Variants in GMDS observed in about 807,000 individuals in gnomAD.
GMDS encodes the protein GDP-mannose 4,6 dehydratase.
Under a neutral mutation model 49.9 loss-of-function variants are expected in GMDS, and 20 were observed. The ratio of observed to expected loss-of-function variants is 0.40; its 90% confidence interval spans 0.28 to 0.58. The LOEUF is 0.58. Ranked by LOEUF, GMDS falls within the 20% of genes least tolerant of loss-of-function variation. GMDS has a pLI of 0.42. For synonymous variants in GMDS, 177 were observed against 178.6 expected (o/e 0.99, Z 0.07); for missense variants, 362 against 481.4 (o/e 0.75, Z 2.32).
chr6:2,175,127 T>C (rs914939550), intron 1 of GMDS, among the ~76,000 whole-genome samples: 4 of 152,164 alleles, frequency 2.6e-5, no homozygotes, highest in African/African-American at 9.7e-5. Flanking sequence ...AGAAGTCTTA[T>C]GGTTGGATGA....
intron 8 of GMDS, among the ~76,000 whole-genome samples, chr6:1,733,900 G>A (rs954278211): frequency 1.3e-5 from 2 of 151,762 alleles, no homozygotes; most frequent in African/African-American, 4.8e-5. Context: ...CTGAGCGGCA[G>A]CCTGAGCCTC....
intron 1 of GMDS, among the ~76,000 whole-genome samples, chr6:2,146,952 G>T (rs1215016220): frequency 6.6e-6 from 1 of 152,228 alleles, no homozygotes; most frequent in Non-Finnish European, 1.5e-5. Flanking sequence ...GAAGAGGAAA[G>T]TGATATTATT....
chr6:2,134,793 A>C (rs1366239661), intron 1 of GMDS, among the ~76,000 whole-genome samples: 1 of 152,220 alleles, frequency 6.6e-6, no homozygotes, highest in East Asian at 1.9e-4. Flanking sequence ...TCAACTTTCT[A>C]TAGACATAGT....
chr6:2,147,142 T>C (rs1776595861), intron 1 of GMDS, among the ~76,000 whole-genome samples: 1 of 152,192 alleles, frequency 6.6e-6, no homozygotes, highest in Non-Finnish European at 1.5e-5. Context: ...TCTTTTACTA[T>C]TGTAGAGTCA....
At chr6:1,829,400 T>C (rs183336624) in intron 7 of GMDS, among the ~76,000 whole-genome samples, 33 of 152,242 alleles carry the variant, frequency 2.2e-4, no homozygotes, top group East Asian at 1.5e-3. Context: ...CCCTAAGAGG[T>C]TGTTTATCCA....
chr6:1,810,436 C>T (rs1037543097), intron 7 of GMDS, among the ~76,000 whole-genome samples: 30 of 152,254 alleles, frequency 2.0e-4, no homozygotes, highest in African/African-American at 6.3e-4. Flanking sequence ...GTGTGTGCCA[C>T]CACACCTGGC....
At chr6:1,870,232 G>A (rs965131611) in intron 7 of GMDS, among the ~76,000 whole-genome samples, 2 of 152,098 alleles carry the variant, frequency 1.3e-5, no homozygotes, top group East Asian at 1.9e-4. Context: ...TGATCAATAC[G>A]GCAGGTTTGT....
chr6:2,184,552 A>G (rs1379179559), intron 1 of GMDS, among the ~76,000 whole-genome samples: 1 of 152,158 alleles, frequency 6.6e-6, no homozygotes, highest in African/African-American at 2.4e-5. Flanking sequence ...TTTCAGTTCA[A>G]ATCTCAGCTC....
intron 4 of GMDS, among the ~76,000 whole-genome samples, chr6:2,019,710 A>C (rs1768147608): frequency 6.6e-6 from 1 of 152,154 alleles, no homozygotes; most frequent in East Asian, 1.9e-4. Flanking sequence ...TCGGCCTCCC[A>C]AAGTCCTGAG....
chr6:2,060,649 G>A (rs1771092414), intron 4 of GMDS, among the ~76,000 whole-genome samples: 1 of 152,200 alleles, frequency 6.6e-6, no homozygotes, highest in African/African-American at 2.4e-5. Context: ...ATGCTATGGA[G>A]AAATGTAAAA....
At chr6:1,680,968 C>G (rs773162329) in intron 9 of GMDS, among the ~76,000 whole-genome samples, 1 of 152,070 alleles carries the variant, frequency 6.6e-6, no homozygotes, top group Non-Finnish European at 1.5e-5. Flanking sequence ...TCTCTCTCAC[C>G]GTTCACATTT....
At position 1,835,333 on chromosome 6, in the gene GMDS, T is replaced by C. The variant is rs143199107; in HGVS notation, c.772-92747A>G. Among the ~76,000 whole-genome samples the C allele has an allele frequency of 9.0e-3, 1,373 of 152,316 alleles. 12 individuals carry two copies. Among genetic ancestry groups the C allele is most frequent in the Middle Eastern group, 0.017 (5 of 292 alleles). Reference sequence around the variant, plus strand: ...GGCAGCATTCTACATTCTGTGTCTCTAGAAGAGTGGAAGGAGGCGGCTTTG... The same window carrying C: ...GGCAGCATTCTACATTCTGTGTCTCCAGAAGAGTGGAAGGAGGCGGCTTTG... On this transcript the variant is annotated intron_variant, in intron 7 of 10. Coordinates refer to ENST00000380815, the MANE Select transcript of GMDS (RefSeq NM_001500.4).
intron 7 of GMDS, among the ~76,000 whole-genome samples, chr6:1,821,841 C>A (rs1191917689): frequency 6.6e-6 from 1 of 151,950 alleles, no homozygotes; most frequent in Non-Finnish European, 1.5e-5. Flanking sequence ...CGGGCTCAGT[C>A]TTGCGGCGGG....
At chr6:2,235,190 GAGTT>G (rs1330013477) in intron 1 of GMDS, among the ~76,000 whole-genome samples, 2 of 152,176 alleles carry the variant, frequency 1.3e-5, no homozygotes, top group Admixed American at 1.3e-4. Flanking sequence ...ACAGCCAACA[GAGTT>G]AGAATCATCC....
chr6:1,686,857 G>A (rs1764994903), intron 9 of GMDS, among the ~76,000 whole-genome samples: 1 of 152,170 alleles, frequency 6.6e-6, no homozygotes, highest in African/African-American at 2.4e-5. Context: ...ACAAACTAAT[G>A]TGTTATCCTT....
chr6:1,753,599 C>T (rs1282191708), intron 7 of GMDS, among the ~76,000 whole-genome samples: 1 of 152,202 alleles, frequency 6.6e-6, no homozygotes, highest in Non-Finnish European at 1.5e-5. Flanking sequence ...TTCTCAGCAC[C>T]ACATTCCACT....
intron 4 of GMDS, among the ~76,000 whole-genome samples, chr6:2,057,720 G>A (rs569757534): frequency 2.6e-5 from 4 of 152,250 alleles, no homozygotes; most frequent in East Asian, 1.9e-4. Context: ...ATAATTCATG[G>A]AATTCTTATT....
chr6:2,214,241 AT>A (rs1780211552), intron 1 of GMDS, among the ~76,000 whole-genome samples: 1 of 152,234 alleles, frequency 6.6e-6, no homozygotes, highest in Non-Finnish European at 1.5e-5. Context: ...AAACCAAGTC[AT>A]TAAAAACTGG....
chr6:1,900,161 G>A (rs1223552856), intron 7 of GMDS, among the ~76,000 whole-genome samples: 1 of 152,160 alleles, frequency 6.6e-6, no homozygotes, highest in Non-Finnish European at 1.5e-5. Context: ...CAGAGGCATC[G>A]CTCTGGAGCC....
Sources: allele counts gnomAD v4.1 joint callset (sites outside exome capture counted in the v4.1 genomes callset), GRCh38; gene constraint gnomAD v4.1.1; transcripts MANE v1.5; gene names NCBI Gene and HGNC (gene_info 2026-07-23, HGNC 2026-07-21).